The following SRPX2 variants were observed in gnomAD, a reference collection of about 807,000 sequenced individuals.
The protein encoded by SRPX2 is sushi repeat containing protein X-linked 2.
In SRPX2, 26 loss-of-function variants were observed where a neutral mutation model predicts 45.3. The observed-to-expected ratio is 0.57, with a 90% confidence interval of 0.42 to 0.80. The LOEUF (loss-of-function observed/expected upper bound fraction) is 0.80, where lower values mean the gene tolerates loss of function less well. Ranked by LOEUF, SRPX2 falls within the 30% of genes least tolerant of loss-of-function variation. The pLI is 0.00. For synonymous variants in SRPX2, 125 were observed against 143.7 expected (o/e 0.87, Z 0.93); for missense variants, 355 against 399.8 (o/e 0.89, Z 0.95).
intron 3 of SRPX2, among the ~76,000 whole-genome samples, chrX:100,661,943 T>TG (rs1265558244): frequency 1.0e-5 from 1 of 100,167 alleles, no homozygotes; most frequent in African/African-American, 3.7e-5. Context: ...GTTTTTTTTT[T>TG]TTTTTTTTTT....
At chrX:100,645,106 A>T (rs764997244) in intron 1 of SRPX2, among the ~76,000 whole-genome samples, 8 of 111,729 alleles carry the variant, frequency 7.2e-5, no homozygotes, top group African/African-American at 2.6e-4. Flanking sequence ...CCAAGTAGCA[A>T]TGAACTAAAA....
At chrX:100,650,413 A>G (rs1285276444) in intron 2 of SRPX2, among the ~76,000 whole-genome samples, 1 of 111,733 alleles carries the variant, frequency 8.9e-6, no homozygotes, top group African/African-American at 3.3e-5. Flanking sequence ...CCATTCTCAG[A>G]GATTAGTCCC....
At chrX:100,651,904 A>G (rs973211642) in intron 3 of SRPX2, among the ~76,000 whole-genome samples, 2 of 111,881 alleles carry the variant, frequency 1.8e-5, no homozygotes, top group Non-Finnish European at 3.8e-5. Flanking sequence ...TGAATGCTGC[A>G]TAGTGAGTAA....
rs1484342957 is a variant in SRPX2 at position 100,655,880 on chromosome X, T to A, written c.163+5015T>A. 3.0e-3 allele frequency among the ~76,000 whole-genome samples: 221 copies of A among 72,947 alleles called. 1 individual carries two copies. Among genetic ancestry groups the A allele is most frequent in the African/African-American group, 8.8e-3 (198 of 22,572 alleles). The allele number at this position is 72,947 out of a possible 115,157, so 63.3% of individuals were successfully genotyped here. A position where few individuals can be genotyped will look rare whatever the true frequency, so the allele number is the denominator to read the frequency against. On this transcript the variant is annotated intron_variant, in intron 3 of 10. Coordinates refer to ENST00000373004, the MANE Select transcript of SRPX2 (RefSeq NM_014467.3). ...GTTTTTTTTTTTTTTTTTTTTTTTT[T>A]AAGACAAAGTTTCGCTCTTGTTGCC... is the stretch of plus-strand genomic sequence containing the variant.
rs762244622 is a variant in SRPX2, at chrX:100,655,435, G to A, written c.163+4570G>A. 2.7e-3 allele frequency among the ~76,000 whole-genome samples: 296 copies of A among 111,555 alleles called. 1 individual carries two copies. Among genetic ancestry groups the A allele is most frequent in the African/African-American group, 8.7e-3 (267 of 30,675 alleles). On this transcript the variant is annotated intron_variant, in intron 3 of 10. Coordinates refer to ENST00000373004, the MANE Select transcript of SRPX2 (RefSeq NM_014467.3). ...GGCATGGGAGCAGGGGTTGGGGGAA[G>A]ACATTTTACTTTGTAACTTTTTATA...
chrX:100,648,279 T>A (rs969809458), intron 2 of SRPX2, among the ~76,000 whole-genome samples: 4 of 112,484 alleles, frequency 3.6e-5, no homozygotes, highest in African/African-American at 1.3e-4. Flanking sequence ...AGGATTAATA[T>A]GAATCTTAAG....
chrX:100,650,915 A>G (rs766998731), intron 3 of SRPX2, 50 bp downstream of exon 3: 5 of 1,037,413 alleles, frequency 4.8e-6, no homozygotes, highest in Middle Eastern at 2.9e-4. Context: ...CTGGCCTCAG[A>G]CCTAGGCCCT....
intron 10 of SRPX2, among the ~76,000 whole-genome samples, chrX:100,670,463 C>T (rs1184091245): frequency 9.0e-6 from 1 of 111,613 alleles, no homozygotes; most frequent in Non-Finnish European, 1.9e-5. Flanking sequence ...GTCTCTGCAG[C>T]GGGTGGCCCC....
intron 2 of SRPX2, among the ~76,000 whole-genome samples, chrX:100,648,949 G>A (rs944462412): frequency 6.6e-4 from 74 of 112,557 alleles, no homozygotes; most frequent in South Asian, 7.5e-4. Flanking sequence ...CTTACTAGCT[G>A]GGAGACCTTG....
At chrX:100,668,221 G>A (rs140607818) in intron 9 of SRPX2, among the ~76,000 whole-genome samples, 3,131 of 107,865 alleles carry the variant, frequency 0.029, 133 homozygotes, top group African/African-American at 0.1. Context: ...AGCTACAAGG[G>A]GCTGGATACC....
In SRPX2 at chrX:100,662,275, A is replaced by C; in HGVS notation, c.263A>C (p.Glu88Ala). 1 of 1,211,431 alleles carries C rather than the reference A, an allele frequency of 8.3e-7. No individual in the cohort carries two copies. Among genetic ancestry groups the C allele is most frequent in the East Asian group, 3.0e-5 (1 of 33,822 alleles). ...CACAGCAGCCTGGGCACGCGTTGTG[A>C]GCTCTCCTGTGACCGGGGCTTTCGA... Reference protein sequence around the residue: ...NYHSSLGTRCELSCDRGFRLI... With the variant: ...NYHSSLGTRCALSCDRGFRLI... Residue 88 changes from glutamate to alanine, a missense_variant, in exon 4 of 11, where the codon GAG becomes GCG. Coordinates refer to ENST00000373004, the MANE Select transcript of SRPX2 (RefSeq NM_014467.3).
intron 3 of SRPX2, among the ~76,000 whole-genome samples, chrX:100,652,266 C>G (rs759139012): frequency 3.9e-4 from 44 of 112,169 alleles, no homozygotes; most frequent in African/African-American, 1.4e-3. Flanking sequence ...GATGACAAGA[C>G]TTAGTACAGA....
chrX:100,645,948 A>C, intron 1 of SRPX2: 1 of 215,887 alleles, frequency 4.6e-6, no homozygotes, highest in South Asian at 7.3e-5. Context: ...GTGTAACTTC[A>C]TGTTGGCCTT....
Position 100,650,782 on chromosome X carries a change from T to C in SRPX2, c.83-3T>C. 2.5e-6 allele frequency: 3 copies of C among 1,207,645 alleles called. No individual in the cohort carries two copies. The highest frequency in any genetic ancestry group is 3.4e-6 in the Non-Finnish European group (3 of 891,808). ...CATTTTGATATTGTCTTCCTTATTC[T>C]AGGTTCTGGCTACTATCCGGATGAA... On this transcript the variant is annotated splice_polypyrimidine_tract_variant and splice_region_variant and intron_variant, in intron 2 of 10. Transcript: ENST00000373004.
Position 100,670,681 on chromosome X carries a change from G to A in SRPX2, c.1218-126G>A, listed in dbSNP as rs750764657. The A allele has an allele frequency of 1.4e-4, 99 of 721,283 alleles. No homozygotes were observed. In the East Asian group the frequency reaches 3.1e-3, roughly 23 times the overall value. 59.4% of individuals were successfully genotyped at this position (721,283 alleles called of 1,213,427 possible). On this transcript the variant is annotated intron_variant, in intron 10 of 10. Transcript: ENST00000373004. ...TTGAGACAGGAAGTAGAGGGAATGG[G>A]GACCAGGGATGAGGTGGGGAAGGAA...
chrX:100,667,322 A>T lies in SRPX2; in HGVS notation c.1010A>T (p.Gln337Leu). The T allele has an allele frequency of 8.3e-7, 1 of 1,211,774 alleles. No individual in the cohort carries two copies. The highest frequency in any genetic ancestry group is 1.1e-6 in the Non-Finnish European group (1 of 895,408). Reference protein sequence around the residue: ...NVNSAAGLLDQFYEKQRLLII... With the variant: ...NVNSAAGLLDLFYEKQRLLII... ...AACTCAGCTGCTGGTCTCTTGGATC[A>T]ATTCTATGAGAAACAGCGACTCCTC... Residue 337 changes from glutamine (Q) to leucine (L), a missense_variant, in exon 9 of 11, where the codon CAA (glutamine) becomes CTA (leucine). Transcript: ENST00000373004.
At position 100,669,553 on chromosome X, in the gene SRPX2, T is replaced by G. The variant is rs982757934; in HGVS notation, c.1217+184T>G. Among the ~76,000 whole-genome samples the G allele has an allele frequency of 9.0e-5, 10 of 110,787 alleles. No homozygotes were observed. In the East Asian group the frequency reaches 2.9e-3, roughly 32 times the overall value. Reference sequence around the variant, plus strand: ...AAGACCAGAGAGTAGTTTCTTTACTTTGGTAGAACATCAGAATCAAATGAG... The same window carrying G: ...AAGACCAGAGAGTAGTTTCTTTACTGTGGTAGAACATCAGAATCAAATGAG... On this transcript the variant is annotated intron_variant, in intron 10 of 10. Transcript: ENST00000373004.
At chrX:100,655,855 G>GTTTTTTT (rs11362126) in intron 3 of SRPX2, among the ~76,000 whole-genome samples, 1 of 50,010 alleles carries the variant, frequency 2.0e-5, no homozygotes, top group African/African-American at 6.4e-5. Context: ...GGGTGGGGGA[G>GTTTTTTT]TTTTTTTTTT....
chrX:100,650,724 G>T (rs1053527839), intron 2 of SRPX2, 61 bp from the exon 3 acceptor site: 5 of 1,083,696 alleles, frequency 4.6e-6, no homozygotes, highest in African/African-American at 3.7e-5. Flanking sequence ...GAGGGGGAAG[G>T]TTGGGAAGGA....
Sources: allele counts gnomAD v4.1 joint callset (sites outside exome capture counted in the v4.1 genomes callset), GRCh38; gene constraint gnomAD v4.1.1; transcripts MANE v1.5; gene names NCBI Gene and HGNC (gene_info 2026-07-23, HGNC 2026-07-21).